The following STRA8 variants were observed in gnomAD, a reference collection of about 807,000 sequenced individuals.
STRA8 encodes the protein stimulated by retinoic acid gene 8 protein homolog.
STRA8 carries 18 observed loss-of-function variants against 37.1 expected under a neutral mutation model. The ratio of observed to expected loss-of-function variants is 0.48; its 90% confidence interval spans 0.34 to 0.72. The LOEUF (loss-of-function observed/expected upper bound fraction) is 0.72, where lower values mean the gene tolerates loss of function less well. Among genes scored for constraint, STRA8 ranks in the 30% least tolerant of loss-of-function variants. The probability of loss-of-function intolerance (pLI) is 0.01; values close to 1 mark genes in which losing one functional copy is unlikely to be tolerated. For synonymous variants in STRA8, 168 were observed against 162.9 expected, an observed-to-expected ratio of 1.03 and a Z score of -0.24; for missense variants, 357 against 410.4, an observed-to-expected ratio of 0.87 and a Z score of 1.13.
intron 6 of STRA8, among the ~76,000 whole-genome samples, chr7:135,250,144 A>G (rs935381440): frequency 7.9e-5 from 12 of 152,228 alleles, no homozygotes; most frequent in Non-Finnish European, 2.9e-5. Flanking sequence ...AGATGGGCCC[A>G]GGAGGCTCTG....
chr7:135,231,963 C>T (rs1832299522), upstream of STRA8: 2 of 1,613,340 alleles, frequency 1.2e-6, no homozygotes, highest in Non-Finnish European at 1.7e-6. Flanking sequence ...ATGGCAGAGC[C>T]TTCTGCCTTG....
At chr7:135,250,375 A>C (rs1832619810) in intron 6 of STRA8, among the ~76,000 whole-genome samples, 1 of 152,184 alleles carries the variant, frequency 6.6e-6, no homozygotes, top group Non-Finnish European at 1.5e-5. Context: ...AGCAACATGT[A>C]GCTGATAGGC....
chr7:135,256,131 C>A (rs1832700587), intron 8 of STRA8, among the ~76,000 whole-genome samples: 3 of 152,182 alleles, frequency 2.0e-5, no homozygotes, highest in Admixed American at 2.0e-4. Flanking sequence ...ATGGATTTTT[C>A]TTTACTAGTT....
At chr7:135,248,111 G>C (rs1295857480) in intron 6 of STRA8, among the ~76,000 whole-genome samples, 2 of 152,186 alleles carry the variant, frequency 1.3e-5, no homozygotes, top group Non-Finnish European at 2.9e-5. Flanking sequence ...GAGAGCGTCC[G>C]ATTGTCTCTG....
chr7:135,232,567 C>T (rs1036353999), upstream of STRA8, among the ~76,000 whole-genome samples: 9 of 151,726 alleles, frequency 5.9e-5, no homozygotes, highest in African/African-American at 1.2e-4. Context: ...CGCTTGAGCC[C>T]GGGAATTCGA....
intron 1 of STRA8, among the ~76,000 whole-genome samples, chr7:135,237,466 G>T (rs1295256100): frequency 6.6e-6 from 1 of 152,150 alleles, no homozygotes; most frequent in Admixed American, 6.5e-5. Flanking sequence ...GCTAATCTTG[G>T]AATAAGGCGG....
chr7:135,231,917 A>G (rs1356146126), upstream of STRA8: 1 of 1,428,632 alleles, frequency 7.0e-7, no homozygotes, highest in Non-Finnish European at 9.9e-7. Context: ...TCATATCCAG[A>G]GCTAGTGAGA....
At chr7:135,235,199 A>C (rs1042448291) in intron 1 of STRA8, among the ~76,000 whole-genome samples, 2 of 152,144 alleles carry the variant, frequency 1.3e-5, no homozygotes, top group African/African-American at 4.8e-5. Flanking sequence ...AGGGGAAAAT[A>C]TGTTAGAGCT....
At chr7:135,233,076 C>T (rs1209963337), upstream of STRA8, among the ~76,000 whole-genome samples, 2 of 152,230 alleles carry the variant, frequency 1.3e-5, no homozygotes, top group Admixed American at 6.5e-5. Flanking sequence ...ATGAGCATCA[C>T]GAAATATTGC....
chr7:135,239,163 A>G (rs1472886273), intron 1 of STRA8, among the ~76,000 whole-genome samples: 3 of 152,212 alleles, frequency 2.0e-5, no homozygotes, highest in Non-Finnish European at 2.9e-5. Flanking sequence ...CATAGTGGGA[A>G]AGGTGTCTTC....
At position 135,255,025 on chromosome 7, in the gene STRA8, G is replaced by A. The variant is rs1832685425; in HGVS notation, c.954-89G>A. 7.4e-6 allele frequency: 8 copies of A among 1,077,988 alleles called. No individual in the cohort carries two copies. In the East Asian group the frequency reaches 1.7e-4, roughly 23 times the overall value. The allele number at this position is 1,077,988 out of a possible 1,614,324, so 66.8% of individuals were successfully genotyped here. ...AATTTACATGTGCTTGGTTCATACT[G>A]TAACCCAAATCTTTCAGGGGAGGGG... On this transcript the variant is annotated intron_variant, in intron 7 of 8. Coordinates refer to ENST00000662584, the MANE Select transcript of STRA8 (RefSeq NM_001394401.1).
chr7:135,244,315 C>T (rs1263258293), intron 4 of STRA8, among the ~76,000 whole-genome samples: 2 of 152,222 alleles, frequency 1.3e-5, no homozygotes, highest in East Asian at 1.9e-4. Flanking sequence ...GCCTTGGCCT[C>T]CCAAAGTGTT....
intron 7 of STRA8, among the ~76,000 whole-genome samples, chr7:135,254,867 G>A (rs1231134383): frequency 6.6e-6 from 1 of 152,194 alleles, no homozygotes; most frequent in Non-Finnish European, 1.5e-5. Flanking sequence ...TGTTCCAGTG[G>A]CCACAGCTCA....
rs752821743 is a variant in STRA8, at chr7:135,258,401, C to T, written c.1066-17C>T. On this transcript the variant is annotated splice_polypyrimidine_tract_variant and intron_variant, in intron 8 of 8. Transcript: ENST00000662584. ...CCACAGATAAAAAGTGACCCTCTTC[C>T]ACCCTGTGTCTTGCAGGAAGCATCC... 2.5e-6 allele frequency: 4 copies of T among 1,589,498 alleles called. No homozygotes were observed. Among genetic ancestry groups the T allele is most frequent in the Non-Finnish European group, 3.4e-6 (4 of 1,166,522 alleles).
intron 2 of STRA8, among the ~76,000 whole-genome samples, chr7:135,241,398 C>T (rs895375020): frequency 1.3e-5 from 2 of 152,172 alleles, no homozygotes; most frequent in African/African-American, 2.4e-5. Context: ...CCTTTTTAGG[C>T]ACCACTAGAA....
chr7:135,247,408 C>T (rs1287808385), intron 6 of STRA8, among the ~76,000 whole-genome samples: 2 of 152,356 alleles, frequency 1.3e-5, no homozygotes, highest in East Asian at 1.9e-4. Flanking sequence ...TTATCTTTCC[C>T]TGCCCTCCCC....
chr7:135,246,867 C>A lies in STRA8; in HGVS notation c.879+165C>A. On this transcript the variant is annotated intron_variant, in intron 6 of 8. Coordinates refer to ENST00000662584, the MANE Select transcript of STRA8 (RefSeq NM_001394401.1). This position sits in a 1 kb window ranked among gnomAD's most constrained non-coding sequence, Gnocchi z 5.4. ...TTTTCTCTTTTTTTTTTTTTTGAGA[C>A]GGAGTCTCGCTCTGTCGCCCAGGCT... is the stretch of plus-strand genomic sequence containing the variant. The A allele has an allele frequency of 2.8e-6, 2 of 726,134 alleles. No individual in the cohort carries two copies. The highest frequency in any genetic ancestry group is 4.2e-6 in the Non-Finnish European group (2 of 470,814). 45.0% of individuals were successfully genotyped at this position (726,134 alleles called of 1,614,324 possible). A position where few individuals can be genotyped will look rare whatever the true frequency, so the allele number is the denominator to read the frequency against.
chr7:135,237,614 C>A (rs1162700279), intron 1 of STRA8, among the ~76,000 whole-genome samples: 1 of 152,166 alleles, frequency 6.6e-6, no homozygotes, highest in Non-Finnish European at 1.5e-5. Flanking sequence ...GCTCTGTCCA[C>A]CGGGCGTGGT....
chr7:135,256,029 CT>C (rs1832699604), intron 8 of STRA8, among the ~76,000 whole-genome samples: 1 of 152,126 alleles, frequency 6.6e-6, no homozygotes, highest in African/African-American at 2.4e-5. Flanking sequence ...CAGTGGGACT[CT>C]TGGTTAGGAG....
Sources: allele counts gnomAD v4.1 joint callset (sites outside exome capture counted in the v4.1 genomes callset), GRCh38; gene constraint gnomAD v4.1.1; non-coding constraint Gnocchi (gnomAD v3.1); transcripts MANE v1.5; gene names NCBI Gene and HGNC (gene_info 2026-07-23, HGNC 2026-07-21).